The following EEF1AKMT1 variants were observed in gnomAD, a reference collection of about 807,000 sequenced individuals.
The protein encoded by EEF1AKMT1 is N-6 adenine-specific DNA methyltransferase 2 (putative).
Under a neutral mutation model 21.0 loss-of-function variants are expected in EEF1AKMT1, and 18 were observed. The ratio of observed to expected loss-of-function variants is 0.86; its 90% confidence interval spans 0.59 to 1.27. EEF1AKMT1 has a LOEUF of 1.27. Ranked by LOEUF, EEF1AKMT1 falls within the 50% of genes most tolerant of loss-of-function variation. EEF1AKMT1 has a pLI of 0.00. For missense variants in EEF1AKMT1, 246 were observed against 258.6 expected, an observed-to-expected ratio of 0.95 and a Z score of 0.33; for synonymous variants, 109 against 94.8, an observed-to-expected ratio of 1.15 and a Z score of -0.87.
chr13:20,757,113 A>G (rs541983385), intron 2 of EEF1AKMT1: 1 of 180,698 alleles, frequency 5.5e-6, no homozygotes, highest in African/African-American at 2.3e-5. Flanking sequence ...AGCGTGGCCG[A>G]GCAAGGCCCA....
intron 4 of EEF1AKMT1, among the ~76,000 whole-genome samples, chr13:20,730,160 A>G (rs1282474916): frequency 6.6e-6 from 1 of 152,216 alleles, no homozygotes; most frequent in African/African-American, 2.4e-5. Flanking sequence ...TTATTTTTTA[A>G]AAGTATCCCC....
chr13:20,739,265 G>A (rs994572366), intron 2 of EEF1AKMT1, among the ~76,000 whole-genome samples: 13 of 152,198 alleles, frequency 8.5e-5, no homozygotes, highest in African/African-American at 1.2e-4. Flanking sequence ...AGGCAACGCA[G>A]ACCCAAACAG....
intron 1 of EEF1AKMT1, chr13:20,768,973 C>A (rs1480052413): frequency 6.6e-6 from 1 of 151,840 alleles, no homozygotes; most frequent in Admixed American, 6.6e-5. Context: ...CAAGCAGAGA[C>A]CACAAAGCAG....
intron 2 of EEF1AKMT1, among the ~76,000 whole-genome samples, chr13:20,752,719 G>A (rs1263147062): frequency 1.3e-5 from 2 of 152,028 alleles, no homozygotes; most frequent in Non-Finnish European, 2.9e-5. Flanking sequence ...AAAGATAATT[G>A]GTATTGATTA....
chr13:20,749,731 A>G (rs574709509), intron 2 of EEF1AKMT1, among the ~76,000 whole-genome samples: 1 of 152,326 alleles, frequency 6.6e-6, no homozygotes, highest in African/African-American at 2.4e-5. Context: ...AAGAAAAGGA[A>G]AAATAATTCT....
Position 20,737,740 on chromosome 13 carries a change from A to G in EEF1AKMT1, c.210T>C (p.Ala70=). ...ALQLAQEAIA[A]VGEGGRIACV... Reference sequence around the variant, plus strand: ...AATCTCACCTGCCACCTTCTCCTACAGCTGCAATTGCCTCCTGTGCCAGCT... The same window carrying G: ...AATCTCACCTGCCACCTTCTCCTACGGCTGCAATTGCCTCCTGTGCCAGCT... Residue 70 remains alanine (A), a synonymous_variant, in exon 3 of 5, where the codon GCT becomes GCC. Coordinates refer to ENST00000382758, the MANE Select transcript of EEF1AKMT1 (RefSeq NM_001318939.2). 6.2e-7 allele frequency: 1 copy of G among 1,612,846 alleles called. No individual in the cohort carries two copies. Among genetic ancestry groups the G allele is most frequent in the Non-Finnish European group, 8.5e-7 (1 of 1,179,446 alleles).
At chr13:20,752,933 T>G (rs746230242) in intron 2 of EEF1AKMT1, among the ~76,000 whole-genome samples, 8 of 152,106 alleles carry the variant, frequency 5.3e-5, no homozygotes, top group Non-Finnish European at 1.0e-4. Context: ...ATTCTGCATT[T>G]TGTTTGGTTC....
intron 2 of EEF1AKMT1, among the ~76,000 whole-genome samples, chr13:20,756,771 C>G (rs1042024952): frequency 6.6e-6 from 1 of 152,174 alleles, no homozygotes; most frequent in Non-Finnish European, 1.5e-5. Flanking sequence ...TTTACATATA[C>G]TTACCCTTTC....
intron 3 of EEF1AKMT1, among the ~76,000 whole-genome samples, chr13:20,734,216 A>G (rs1170643266): frequency 6.6e-6 from 1 of 152,250 alleles, no homozygotes; most frequent in Non-Finnish European, 1.5e-5. Context: ...AATTGCCTCC[A>G]GCAGGCATTC....
At chr13:20,749,174 C>A (rs1223936457) in intron 2 of EEF1AKMT1, among the ~76,000 whole-genome samples, 1 of 152,118 alleles carries the variant, frequency 6.6e-6, no homozygotes, top group Non-Finnish European at 1.5e-5. Context: ...ATGACTGTTT[C>A]ATTTGCTTGG....
chr13:20,741,216 C>A (rs568311550), intron 2 of EEF1AKMT1, among the ~76,000 whole-genome samples: 7 of 151,688 alleles, frequency 4.6e-5, no homozygotes, highest in African/African-American at 1.5e-4. Flanking sequence ...AAGCAGAAAT[C>A]GGCCCATGAG....
intron 1 of EEF1AKMT1, among the ~76,000 whole-genome samples, chr13:20,761,291 G>A (rs1259280117): frequency 1.2e-4 from 19 of 152,040 alleles, no homozygotes; most frequent in Admixed American, 1.1e-3. Flanking sequence ...TTTGTTCTCC[G>A]TTTCAATAAT....
At chr13:20,756,965 A>G (rs537013056) in intron 2 of EEF1AKMT1, among the ~76,000 whole-genome samples, 2 of 152,290 alleles carry the variant, frequency 1.3e-5, no homozygotes, top group African/African-American at 4.8e-5. Flanking sequence ...AGCAGTTTTC[A>G]TCACTCATTA....
At chr13:20,754,905 TA>T (rs34001409) in intron 2 of EEF1AKMT1, among the ~76,000 whole-genome samples, 123,133 of 151,040 alleles carry the variant, frequency 0.82, 50,516 homozygotes, top group East Asian at 1. Context: ...AAAAGAAAAT[TA>T]AAAAAAAAAA....
intron 3 of EEF1AKMT1, among the ~76,000 whole-genome samples, chr13:20,737,208 A>G (rs1161218600): frequency 6.6e-6 from 1 of 152,014 alleles, no homozygotes; most frequent in African/African-American, 2.4e-5. Flanking sequence ...TACTAAAAAT[A>G]CAAAAATTAG....
At chr13:20,751,631 G>T (rs528212960) in intron 2 of EEF1AKMT1, among the ~76,000 whole-genome samples, 1 of 151,170 alleles carries the variant, frequency 6.6e-6, no homozygotes, top group East Asian at 2.0e-4. Flanking sequence ...GGATTGCTTT[G>T]GCCATTCAGG....
intron 1 of EEF1AKMT1, among the ~76,000 whole-genome samples, chr13:20,759,375 C>G (rs370532769): frequency 6.6e-6 from 1 of 151,600 alleles, no homozygotes; most frequent in Non-Finnish European, 1.5e-5. Flanking sequence ...GTCAGGAGAT[C>G]GAGACCATCC....
At chr13:20,738,615 T>C (rs1260136437) in intron 2 of EEF1AKMT1, among the ~76,000 whole-genome samples, 1 of 152,050 alleles carries the variant, frequency 6.6e-6, no homozygotes, top group Non-Finnish European at 1.5e-5. Flanking sequence ...ATAGAAAAAA[T>C]GTGGTACACC....
At chr13:20,743,149 C>T (rs955596368) in intron 2 of EEF1AKMT1, among the ~76,000 whole-genome samples, 9 of 152,150 alleles carry the variant, frequency 5.9e-5, no homozygotes, top group Non-Finnish European at 1.2e-4. Flanking sequence ...TCACTACAAC[C>T]TCCACCTCCG....
Sources: gnomAD v4.1 joint callset for allele counts (sites outside exome capture counted in the v4.1 genomes callset) on GRCh38, gnomAD v4.1.1 for gene constraint, MANE v1.5 for transcripts, NCBI Gene and HGNC (gene_info 2026-07-23, HGNC 2026-07-21) for gene names.